LUZP2: variants seen among roughly 807,000 people sequenced by gnomAD.
The protein encoded by LUZP2 is leucine zipper protein 2.
Under a neutral mutation model 51.6 loss-of-function variants are expected in LUZP2, and 52 were observed. The ratio of observed to expected loss-of-function variants is 1.01; its 90% CI spans 0.81 to 1.27. The LOEUF (loss-of-function observed/expected upper bound fraction) is 1.27, where lower values mean the gene tolerates loss of function less well. Ranked by LOEUF, LUZP2 falls within the 50% of genes most tolerant of loss-of-function variation. LUZP2 has a pLI of 0.00. For synonymous variants in LUZP2, 154 were observed against 137.3 expected (o/e 1.12, Z -0.85); for missense variants, 436 against 395.4 (o/e 1.10, Z -0.87).
rs181666773 is a variant in LUZP2, at chr11:24,523,920, G to T, written c.62+26615G>T. On this transcript the variant is annotated intron_variant, in intron 1 of 11. Coordinates refer to ENST00000336930, the MANE Select transcript of LUZP2 (RefSeq NM_001009909.4). ...AAGGATTTCTTATTATATTCTTTCT[G>T]TGTCCAGCCTCTTTGAAAAACCTGA... Among the ~76,000 whole-genome samples the T allele has an allele frequency of 2.0e-5, 3 of 151,774 alleles. No individual in the cohort carries two copies. The East Asian group carries it at 5.8e-4, about 29-fold the overall frequency.
intron 7 of LUZP2, among the ~76,000 whole-genome samples, chr11:24,917,043 C>G (rs1292272768): frequency 2.6e-5 from 4 of 152,070 alleles, no homozygotes; most frequent in African/African-American, 4.8e-5. Flanking sequence ...GTGTGAGATG[C>G]TATCTCATTG....
At position 24,818,086 on chromosome 11, in the gene LUZP2, A is replaced by AT. The variant is rs199915082; in HGVS notation, c.396+54785dup. 5.3e-5 allele frequency among the ~76,000 whole-genome samples: 8 copies of AT among 152,124 alleles called. No individual in the cohort carries two copies. The South Asian group carries it at 1.2e-3, about 24-fold the overall frequency. On this transcript the variant is annotated intron_variant, in intron 5 of 11. Transcript: ENST00000336930. ...AAGCTCTTTGAGTTGCAGCAACTTG[A>AT]TTTTTTTAAAAACAACTTTGGTGCT...
chr11:25,068,932 G>A (rs933569896), intron 10 of LUZP2, among the ~76,000 whole-genome samples: 2 of 151,726 alleles, frequency 1.3e-5, no homozygotes, highest in East Asian at 1.9e-4. Context: ...TTTATTCATC[G>A]CTCAAGCCTC....
intron 5 of LUZP2, among the ~76,000 whole-genome samples, chr11:24,789,764 C>G (rs999578692): frequency 1.3e-5 from 2 of 152,126 alleles, no homozygotes; most frequent in African/African-American, 4.8e-5. Flanking sequence ...TGCTGTGTCC[C>G]CACATGGTGG....
intron 1 of LUZP2, among the ~76,000 whole-genome samples, chr11:24,525,156 C>A (rs1044222003): frequency 6.6e-6 from 1 of 151,612 alleles, no homozygotes; most frequent in Non-Finnish European, 1.5e-5. Flanking sequence ...CTTTATTTAT[C>A]ATTTCTTATT....
At chr11:24,681,109 G>C (rs796831740) in intron 1 of LUZP2, among the ~76,000 whole-genome samples, 1 of 151,918 alleles carries the variant, frequency 6.6e-6, no homozygotes, top group East Asian at 1.9e-4. Flanking sequence ...AGCCTCCCGA[G>C]TAGTTGGGAC....
intron 1 of LUZP2, among the ~76,000 whole-genome samples, chr11:24,601,978 GTA>G (rs202129773): frequency 0.33 from 45,031 of 136,344 alleles, 8,023 homozygotes; most frequent in African/African-American, 0.45. Flanking sequence ...ATGTGTATAT[GTA>G]TATATATGTG....
At chr11:24,729,134 T>G in intron 1 of LUZP2, 35 bp from the exon 2 acceptor site, 1 of 1,167,212 alleles carries the variant, frequency 8.6e-7, no homozygotes, top group Non-Finnish European at 1.2e-6. Context: ...GTGGAACCAT[T>G]TGGGGGGCTC....
intron 1 of LUZP2, among the ~76,000 whole-genome samples, chr11:24,662,998 CTA>C (rs1565062328): frequency 6.6e-6 from 1 of 151,888 alleles, no homozygotes; most frequent in African/African-American, 2.4e-5. Flanking sequence ...ATCATCTAAA[CTA>C]AATAAATAAT....
rs1565074712 is a variant in LUZP2 at position 24,682,627 on chromosome 11, T to TC, written c.63-46542_63-46541insC. Reference sequence around the variant, plus strand: ...ATATATGTGTATGTGTATATATATATATACACATATATATACACACACACA... The same window carrying TC: ...ATATATGTGTATGTGTATATATATATCATACACATATATATACACACACACA... On this transcript the variant is annotated intron_variant, in intron 1 of 11. Transcript: ENST00000336930. 2.2e-4 allele frequency among the ~76,000 whole-genome samples: 33 copies of TC among 147,608 alleles called. No individual in the cohort carries two copies. The South Asian group carries it at 6.8e-3, about 30-fold the overall frequency.
chr11:25,004,039 C>T (rs1006788330), intron 9 of LUZP2, among the ~76,000 whole-genome samples: 1 of 152,150 alleles, frequency 6.6e-6, no homozygotes, highest in African/African-American at 2.4e-5. Flanking sequence ...AAGGCCATAC[C>T]AGTGTCCAGG....
At chr11:24,549,856 G>A (rs892852157) in intron 1 of LUZP2, among the ~76,000 whole-genome samples, 11 of 151,930 alleles carry the variant, frequency 7.2e-5, no homozygotes, top group Non-Finnish European at 1.2e-4. Flanking sequence ...GCTTTCTATG[G>A]TCATTTATGG....
chr11:24,811,902 CTG>C (rs756724082), intron 5 of LUZP2, among the ~76,000 whole-genome samples: 4 of 152,008 alleles, frequency 2.6e-5, no homozygotes, highest in African/African-American at 4.8e-5. Flanking sequence ...GCCAAGGAAA[CTG>C]AGAAGGAATA....
rs923372549 is a variant in LUZP2 at position 24,839,797 on chromosome 11, A to G, written c.397-66194A>G. On this transcript the variant is annotated intron_variant, in intron 5 of 11. Transcript: ENST00000336930. ...AGTTTATTCTTGTCTGCTCTTTCAT[A>G]ATCCAGAAGAAATAATCGAAATGAT... Among the ~76,000 whole-genome samples the G allele has an allele frequency of 3.3e-5, 5 of 151,886 alleles. No homozygotes were observed. In the South Asian group the frequency reaches 6.2e-4, roughly 19 times the overall value.
chr11:24,996,451 G>A lies in LUZP2; in HGVS notation c.765+13158G>A, dbSNP rs199540612. Among the ~76,000 whole-genome samples, 21 of 151,378 alleles carry A rather than the reference G, an allele frequency of 1.4e-4. No homozygotes were observed. The East Asian group carries it at 3.3e-3, about 24-fold the overall frequency. On this transcript the variant is annotated intron_variant, in intron 9 of 11. Coordinates refer to ENST00000336930, the MANE Select transcript of LUZP2 (RefSeq NM_001009909.4). ...TTCTATTAAATTATGAAACTTCTGG[G>A]GTTTCCACAAAATGCCACAGATTAG...
chr11:24,520,309 A>G (rs1281801008), intron 1 of LUZP2, among the ~76,000 whole-genome samples: 1 of 152,220 alleles, frequency 6.6e-6, no homozygotes, highest in Non-Finnish European at 1.5e-5. Context: ...TTGGAAATGG[A>G]ACTGTTATCA....
chr11:24,801,254 T>C (rs975221968), intron 5 of LUZP2, among the ~76,000 whole-genome samples: 3 of 152,104 alleles, frequency 2.0e-5, no homozygotes, highest in East Asian at 3.9e-4. Flanking sequence ...GGGAATACCA[T>C]CTCCCTTTTC....
At chr11:25,019,631 TC>T (rs1288820127) in intron 9 of LUZP2, among the ~76,000 whole-genome samples, 3 of 152,178 alleles carry the variant, frequency 2.0e-5, no homozygotes, top group Non-Finnish European at 4.4e-5. Flanking sequence ...TCCTCATTGA[TC>T]CGTTCAACTC....
At chr11:25,050,818 G>T (rs1452733271) in intron 10 of LUZP2, among the ~76,000 whole-genome samples, 2 of 152,166 alleles carry the variant, frequency 1.3e-5, no homozygotes, top group Non-Finnish European at 2.9e-5. Context: ...TCCATGTAAA[G>T]CAAATACACT....
Sources: gnomAD v4.1 joint callset for allele counts (sites outside exome capture counted in the v4.1 genomes callset) on GRCh38, gnomAD v4.1.1 for gene constraint, MANE v1.5 for transcripts, NCBI Gene and HGNC (gene_info 2026-07-23, HGNC 2026-07-21) for gene names.